Variants in NEB observed in about 807,000 individuals in gnomAD.
NEB encodes the protein nebulin, also known as nemaline myopathy type 2.
A neutral mutation model predicts 952.2 loss-of-function variants in NEB; 512 were observed. That is an observed-to-expected ratio of 0.54 (90% CI 0.50 to 0.58). The LOEUF (loss-of-function observed/expected upper bound fraction) is 0.58, where lower values mean the gene tolerates loss of function less well. Ranked by LOEUF, NEB falls within the 20% of genes least tolerant of loss-of-function variation. The pLI is 0.00. For missense variants in NEB, 8,428 were observed against 9,231.1 expected (o/e 0.91, Z 3.56); for synonymous variants, 2,900 against 3,149.8 (o/e 0.92, Z 2.66).
chr2:151,702,765 G>A (rs1313612752), intron 13 of NEB, among the ~76,000 whole-genome samples: 1 of 152,108 alleles, frequency 6.6e-6, no homozygotes, highest in Non-Finnish European at 1.5e-5. Flanking sequence ...GTGTGTCTCT[G>A]CACGTGAGTT....
chr2:151,524,495 C>A lies in NEB; in HGVS notation c.22374+20G>T. ...GGCAATGGCTGTTGGGGACTGGGGACATTTTCATGACACCCTTACCTCACT... is the reference window on the plus strand; with the variant it reads ...GGCAATGGCTGTTGGGGACTGGGGAAATTTTCATGACACCCTTACCTCACT... On this transcript the variant is annotated intron_variant, in intron 152 of 181. Coordinates refer to ENST00000397345, the MANE Select transcript of NEB (RefSeq NM_001164508.2). 2 of 1,613,506 alleles carry A rather than the reference C, an allele frequency of 1.2e-6. No individual in the cohort carries two copies. Among genetic ancestry groups the A allele is most frequent in the Non-Finnish European group, 1.7e-6 (2 of 1,179,506 alleles).
chr2:151,496,681 C>CA (rs1182346326), intron 172 of NEB, among the ~76,000 whole-genome samples: 3 of 151,928 alleles, frequency 2.0e-5, no homozygotes, highest in African/African-American at 7.3e-5. Flanking sequence ...TGTTAGAACT[C>CA]AGTGTTGTTA....
chr2:151,633,797 C>T lies in NEB; in HGVS notation c.9271G>A (p.Asp3091Asn), dbSNP rs764110936. Residue 3091 changes from aspartate (D) to asparagine (N), a missense_variant, in exon 65 of 182, where the codon GAC (aspartate) becomes AAC (asparagine). This residue lies in a region of NEB where 1,772 missense variants were observed against 1,960.3 expected (regional missense o/e 0.90). Transcript: ENST00000397345. ...TTGGCCAGCACCACCCCCAGCATGT[C>T]CACTGGGCTGCTGAACTTGGTCTTC... Reference protein sequence around the residue: ...KWKTKFSSPVDMLGVVLAKKC... With the variant: ...KWKTKFSSPVNMLGVVLAKKC... The T allele has an allele frequency of 1.5e-5, 25 of 1,613,836 alleles. No individual in the cohort carries two copies. The African/African-American group carries it at 3.2e-4, about 21-fold the overall frequency.
chr2:151,701,284 T>C (rs1045392381), intron 13 of NEB, among the ~76,000 whole-genome samples: 2 of 151,792 alleles, frequency 1.3e-5, no homozygotes, highest in South Asian at 2.1e-4. Context: ...TTATTGAGGA[T>C]TTTTGCATCA....
In NEB at chr2:151,545,886, A is replaced by G. The variant is rs1185654671; in HGVS notation, c.20577+2T>C. 8.3e-6 allele frequency: 13 copies of G among 1,569,210 alleles called. No individual in the cohort carries two copies. Among genetic ancestry groups the G allele is most frequent in the Non-Finnish European group, 1.0e-5 (12 of 1,143,086 alleles). On this transcript the variant is annotated splice_donor_variant, in intron 135 of 181. Transcript: ENST00000397345. LOFTEE classifies it high-confidence loss of function. ...CTTCAATGACAAGTAAAGCGTCCTT[A>G]CCTCACTCAGATGTGTCTTCAGTTC...
Position 151,492,176 on chromosome 2 carries a change from T to C in NEB, c.24979A>G (p.Ile8327Val), listed in dbSNP as rs1270815952. The C allele has an allele frequency of 6.2e-7, 1 of 1,613,878 alleles. No homozygotes were observed. The highest frequency in any genetic ancestry group is 8.5e-7 in the Non-Finnish European group (1 of 1,179,884). The change falls in exon 178 of 182, where the codon ATT (isoleucine) becomes GTT (valine). Residue 8327 changes from isoleucine (I) to valine (V), a missense_variant. Ile to Val is a conservative substitution (Grantham distance 29). Coordinates refer to ENST00000397345, the MANE Select transcript of NEB (RefSeq NM_001164508.2). ...TTCCTCTGAATACCTCGGTAGTTAA[T>C]GTCACTGAAGTCCTGCATGTTCTTC... ...VKKNMQDFSDINYRGIQRKVV... is the reference protein window; with the variant it reads ...VKKNMQDFSDVNYRGIQRKVV...
intron 13 of NEB, among the ~76,000 whole-genome samples, chr2:151,706,591 TGCCCGGA>T (rs2099707320): frequency 6.6e-6 from 1 of 152,112 alleles, no homozygotes; most frequent in African/African-American, 2.4e-5. Context: ...GAGACCCAGG[TGCCCGGA>T]GCTCATAAGC....
intron 169 of NEB, 50 bp downstream of exon 169, chr2:151,499,247 CT>C (rs2062617366): frequency 2.0e-6 from 2 of 1,013,586 alleles, no homozygotes; most frequent in Admixed American, 2.5e-5. Context: ...AGCCATTAAT[CT>C]TTTTAAACAT....
At chr2:151,666,697 T>C (rs1397676966) in intron 40 of NEB, among the ~76,000 whole-genome samples, 3 of 152,036 alleles carry the variant, frequency 2.0e-5, no homozygotes, top group African/African-American at 7.2e-5. Context: ...AAGCATTTGA[T>C]GTACGCTTTT....
intron 148 of NEB, among the ~76,000 whole-genome samples, chr2:151,526,508 C>T (rs75931010): frequency 0.013 from 2,044 of 152,236 alleles, 30 homozygotes; most frequent in Non-Finnish European, 0.02. Flanking sequence ...GTTCACAGCA[C>T]GCTCAGATAT....
chr2:151,541,564 C>G lies in NEB; in HGVS notation c.20578-13G>C. ...CTCTGTAGACCAGCTAGACATAAAC[C>G]AAGTTATCACCATCATTTCTGTTTC... On this transcript the variant is annotated splice_polypyrimidine_tract_variant and intron_variant, in intron 135 of 181. Transcript: ENST00000397345. 6.3e-7 allele frequency: 1 copy of G among 1,592,614 alleles called. No individual in the cohort carries two copies. The highest frequency in any genetic ancestry group is 1.1e-5 in the South Asian group (1 of 90,364).
chr2:151,661,729 A>C (rs1183155200), intron 46 of NEB, among the ~76,000 whole-genome samples: 3 of 152,180 alleles, frequency 2.0e-5, no homozygotes, highest in Admixed American at 1.3e-4. Context: ...CAGGCATGTA[A>C]TCTTGGACTT....
chr2:151,729,544 G>A (rs1438411468), intron 4 of NEB, 71 bp downstream of exon 4: 50 of 1,537,454 alleles, frequency 3.3e-5, no homozygotes, highest in Non-Finnish European at 4.0e-5. Flanking sequence ...GGCCCTGGGA[G>A]TCTAAGAAAG....
rs2099280221 is a variant in NEB, at chr2:151,671,158, C to T, written c.4371G>A (p.Val1457=). ...CATCGCCTGCTTTCTTGACCTTCTCCACCTCCAGGGAACCAATAGGGATCC... is the reference window on the plus strand; with the variant it reads ...CATCGCCTGCTTTCTTGACCTTCTCTACCTCCAGGGAACCAATAGGGATCC... ...IGWIPIGSLE[V]EKVKKAGDAL... The change falls in exon 38 of 182, where the codon GTG becomes GTA. Residue 1457 remains valine, a synonymous_variant. Coordinates refer to ENST00000397345, the MANE Select transcript of NEB (RefSeq NM_001164508.2). The T allele has an allele frequency of 6.2e-7, 1 of 1,613,834 alleles. No individual in the cohort carries two copies.
At chr2:151,659,222 T>G in intron 46 of NEB, 53 bp from the exon 47 acceptor site, 1 of 1,112,038 alleles carries the variant, frequency 9.0e-7, no homozygotes. Flanking sequence ...GAAGCTCACT[T>G]AGTACATACA....
At chr2:151,530,158 T>C (rs1182814340) in intron 145 of NEB, among the ~76,000 whole-genome samples, 4 of 152,236 alleles carry the variant, frequency 2.6e-5, no homozygotes, top group Admixed American at 2.6e-4. Context: ...ATTTGATGAA[T>C]GAATGAACTG....
At chr2:151,542,102 A>C (rs1184994381) in intron 135 of NEB, among the ~76,000 whole-genome samples, 2 of 152,290 alleles carry the variant, frequency 1.3e-5, no homozygotes, top group East Asian at 3.9e-4. Context: ...CATGATTGCC[A>C]TGAACACTTC....
rs780347796 is a variant in NEB, at chr2:151,535,830, G to C, written c.21208-35C>G. On this transcript the variant is annotated intron_variant, in intron 141 of 181. Coordinates refer to ENST00000397345, the MANE Select transcript of NEB (RefSeq NM_001164508.2). Reference sequence around the variant, plus strand: ...ACAGAACATGGTTACTTGACAGCAGGCTATGATTATCTTAAGAATGAGACA... The same window carrying C: ...ACAGAACATGGTTACTTGACAGCAGCCTATGATTATCTTAAGAATGAGACA... 3 of 1,165,282 alleles carry C rather than the reference G, an allele frequency of 2.6e-6. No homozygotes were observed. The African/African-American group carries it at 4.6e-5, about 18-fold the overall frequency. 72.2% of individuals were successfully genotyped at this position (1,165,282 alleles called of 1,614,324 possible).
chr2:151,655,574 A>G (rs956636069), intron 50 of NEB, among the ~76,000 whole-genome samples, 200 bp from the exon 51 acceptor site: 5 of 152,224 alleles, frequency 3.3e-5, no homozygotes. Context: ...TATTTTCTAC[A>G]ATGGACTGAA....
Sources: gnomAD v4.1 joint callset for allele counts (sites outside exome capture counted in the v4.1 genomes callset) on GRCh38, gnomAD v4.1.1 for gene constraint, gnomAD v4.1.1 regional missense constraint, MANE v1.5 for transcripts, NCBI Gene and HGNC (gene_info 2026-07-23, HGNC 2026-07-21) for gene names.